Variants in GRIN2A observed in about 807,000 individuals in gnomAD.
The protein encoded by GRIN2A is glutamate receptor ionotropic, NMDA 2A.
In GRIN2A, 22 loss-of-function variants were observed where a neutral mutation model predicts 113.4. The observed-to-expected ratio is 0.19, with a 90% confidence interval of 0.14 to 0.28. GRIN2A has a LOEUF of 0.28. Ranked by LOEUF, GRIN2A falls within the 10% of genes least tolerant of loss-of-function variation. The pLI, the probability that GRIN2A is intolerant of heterozygous loss-of-function variation, is 1.00. For missense variants in GRIN2A, 1,502 were observed against 1,887.0 expected, an observed-to-expected ratio of 0.80 and a Z score of 3.78; for synonymous variants, 827 against 738.4, an observed-to-expected ratio of 1.12 and a Z score of -1.94.
rs1196749268 is a variant in GRIN2A at position 9,820,917 on chromosome 16, A to G, written c.2168+1347T>C. Reference sequence around the variant, plus strand: ...TGTGGGAATGAGTTTTTCAGAAATCATAGACTTAACTTCTGAATAAATGCT... The same window carrying G: ...TGTGGGAATGAGTTTTTCAGAAATCGTAGACTTAACTTCTGAATAAATGCT... On this transcript the variant is annotated intron_variant, in intron 10 of 12. Transcript: ENST00000330684. Among the ~76,000 whole-genome samples the G allele has an allele frequency of 3.3e-5, 5 of 152,232 alleles. No individual in the cohort carries two copies. In the South Asian group the frequency reaches 6.2e-4, roughly 19 times the overall value.
chr16:10,029,063 C>T (rs975477874), intron 2 of GRIN2A, among the ~76,000 whole-genome samples: 2 of 152,202 alleles, frequency 1.3e-5, no homozygotes, highest in Non-Finnish European at 2.9e-5. Context: ...TCTCACTTTC[C>T]CAACTCTCTC....
At chr16:9,961,683 G>A (rs927126821) in intron 2 of GRIN2A, among the ~76,000 whole-genome samples, 3 of 152,052 alleles carry the variant, frequency 2.0e-5, no homozygotes, top group Non-Finnish European at 2.9e-5. Flanking sequence ...GAGATTTTTC[G>A]TGAAAACGGC....
At chr16:10,115,974 T>C (rs2048722235) in intron 2 of GRIN2A, among the ~76,000 whole-genome samples, 1 of 152,188 alleles carries the variant, frequency 6.6e-6, no homozygotes, top group African/African-American at 2.4e-5. Context: ...ACAGGGTATA[T>C]ACTTAAAGGA....
intron 2 of GRIN2A, among the ~76,000 whole-genome samples, chr16:10,154,133 C>T (rs1490126992): frequency 1.3e-5 from 2 of 152,178 alleles, no homozygotes; most frequent in African/African-American, 2.4e-5. Flanking sequence ...AGCTGAAGCC[C>T]TTAAGAGCCA....
rs1223573255 is a variant in GRIN2A, at chr16:9,820,155, T to TA, written c.2168+2108dup. On this transcript the variant is annotated intron_variant, in intron 10 of 12. Coordinates refer to ENST00000330684, the MANE Select transcript of GRIN2A (RefSeq NM_001134407.3). ...ATTTCTCTCCTTTTTGCTATTATAT[T>TA]AAAAAAAAGATTGAAAAAGAAAGAA... Among the ~76,000 whole-genome samples the TA allele has an allele frequency of 3.3e-5, 5 of 151,906 alleles. No individual in the cohort carries two copies. In the East Asian group the frequency reaches 9.7e-4, roughly 29 times the overall value.
At chr16:9,989,547 G>A (rs542323325) in intron 2 of GRIN2A, among the ~76,000 whole-genome samples, 1 of 152,002 alleles carries the variant, frequency 6.6e-6, no homozygotes, top group Non-Finnish European at 1.5e-5. Flanking sequence ...TCGGAATCTA[G>A]TTAAACTAAA....
intron 2 of GRIN2A, among the ~76,000 whole-genome samples, chr16:10,073,501 G>A (rs2047801697): frequency 6.6e-6 from 1 of 152,050 alleles, no homozygotes; most frequent in Admixed American, 6.6e-5. Context: ...GCCTGACAAA[G>A]CAAAGTGGGC....
chr16:9,857,949 G>C (rs2042996958), intron 4 of GRIN2A, among the ~76,000 whole-genome samples: 1 of 152,158 alleles, frequency 6.6e-6, no homozygotes, highest in African/African-American at 2.4e-5. Flanking sequence ...TTTCACAATA[G>C]CCTTATGCTG....
chr16:9,938,002 C>T lies in GRIN2A; in HGVS notation c.964G>A (p.Gly322Arg), dbSNP rs374637415. The T allele has an allele frequency of 1.2e-5, 19 of 1,614,056 alleles. No individual in the cohort carries two copies. Among genetic ancestry groups the T allele is most frequent in the East Asian group, 1.1e-4 (5 of 44,828 alleles). ...YIPEAKASCYGQMERPEVPMH... is the reference protein window; with the variant it reads ...YIPEAKASCYRQMERPEVPMH... ...GGGACCTCTGGCCTCTCCATCTGCC[C>T]GTAGCAGCTGGCCTTGGCCTCGGGG... Residue 322 changes from glycine (G) to arginine (R), a missense_variant, in exon 3 of 13, where the codon GGG becomes AGG. By Grantham distance (125) the Gly-to-Arg change is moderately radical. Transcript: ENST00000330684.
intron 2 of GRIN2A, among the ~76,000 whole-genome samples, chr16:10,022,304 T>C (rs1404899911): frequency 1.3e-5 from 2 of 151,662 alleles, no homozygotes; most frequent in Admixed American, 6.6e-5. Context: ...CATATGTGCA[T>C]GCACATATTC....
intron 11 of GRIN2A, among the ~76,000 whole-genome samples, chr16:9,781,566 G>T (rs1334167534): frequency 6.6e-6 from 1 of 152,070 alleles, no homozygotes; most frequent in African/African-American, 2.4e-5. Flanking sequence ...TCACCATGTT[G>T]CCCAGGCTAG....
chr16:10,108,226 G>C (rs2048534766), intron 2 of GRIN2A, among the ~76,000 whole-genome samples: 1 of 152,212 alleles, frequency 6.6e-6, no homozygotes, highest in Admixed American at 6.5e-5. Context: ...GAAGGTGCAA[G>C]TCAAGTCTTA....
intron 11 of GRIN2A, among the ~76,000 whole-genome samples, chr16:9,781,596 A>G (rs1901939594): frequency 6.6e-6 from 1 of 152,130 alleles, no homozygotes; most frequent in Non-Finnish European, 1.5e-5. Context: ...CCTGGGCTCA[A>G]GCAATCCCCC....
intron 10 of GRIN2A, among the ~76,000 whole-genome samples, chr16:9,807,456 A>AG: frequency 6.6e-6 from 1 of 151,590 alleles, no homozygotes; most frequent in South Asian, 2.1e-4. Context: ...AGAGAGAGAG[A>AG]AAGAGAAAGA....
intron 3 of GRIN2A, among the ~76,000 whole-genome samples, chr16:9,901,263 A>C (rs2043916809): frequency 6.6e-6 from 1 of 152,100 alleles, no homozygotes; most frequent in Non-Finnish European, 1.5e-5. Context: ...CCTTTTGATG[A>C]TGAGCCCTAC....
chr16:10,004,282 A>G (rs2046369223), intron 2 of GRIN2A, among the ~76,000 whole-genome samples: 2 of 151,914 alleles, frequency 1.3e-5, no homozygotes, highest in South Asian at 4.2e-4. Flanking sequence ...CCAGCTACTC[A>G]GGAGGCTGAG....
chr16:9,756,934 A>G lies in GRIN2A; in HGVS notation c.*6215T>C, dbSNP rs1001738326. ...CCTGATGCTTTCTGTCAGCCACAGC[A>G]GTAGGCACTTGGAACTTGATAAAGA... is the stretch of plus-strand genomic sequence containing the variant. On this transcript the variant is annotated 3_prime_UTR_variant, in exon 13 of 13. Transcript: ENST00000330684. 3.2e-5 allele frequency: 6 copies of G among 188,978 alleles called. No homozygotes were observed. Among genetic ancestry groups the G allele is most frequent in the African/African-American group, 1.4e-4 (6 of 42,924 alleles). The allele number at this position is 188,978 out of a possible 1,614,324, so 11.7% of individuals were successfully genotyped here. A position where few individuals can be genotyped will look rare whatever the true frequency, so the allele number is the denominator to read the frequency against.
intron 2 of GRIN2A, among the ~76,000 whole-genome samples, chr16:9,971,011 G>T (rs2045659448): frequency 6.6e-6 from 1 of 151,860 alleles, no homozygotes; most frequent in Non-Finnish European, 1.5e-5. Flanking sequence ...AAGACTGGGG[G>T]GAAGGGGAGA....
intron 4 of GRIN2A, among the ~76,000 whole-genome samples, chr16:9,889,817 C>T (rs1043015010): frequency 2.0e-5 from 3 of 151,610 alleles, no homozygotes; most frequent in African/African-American, 7.3e-5. Flanking sequence ...AAGAATGCAC[C>T]CTCCATTATT....
Sources: allele counts gnomAD v4.1 joint callset (sites outside exome capture counted in the v4.1 genomes callset), GRCh38; gene constraint gnomAD v4.1.1; transcripts MANE v1.5; gene names NCBI Gene and HGNC (gene_info 2026-07-23, HGNC 2026-07-21).